Variants in MLLT3 observed in about 807,000 individuals in gnomAD.
The protein encoded by MLLT3 is MLLT3 super elongation complex subunit.
Under a neutral mutation model 53.2 loss-of-function variants are expected in MLLT3, and 4 were observed. The ratio of observed to expected loss-of-function variants is 0.08; its 90% CI spans 0.04 to 0.17. MLLT3 has a LOEUF of 0.17. Ranked by LOEUF, MLLT3 falls within the 10% of genes least tolerant of loss-of-function variation. The probability of loss-of-function intolerance (pLI) is 1.00; values close to 1 mark genes in which losing one functional copy is unlikely to be tolerated. For missense variants in MLLT3, 569 were observed against 684.0 expected, an observed-to-expected ratio of 0.83 and a Z score of 1.87; for synonymous variants, 283 against 230.6, an observed-to-expected ratio of 1.23 and a Z score of -2.06.
intron 2 of MLLT3, among the ~76,000 whole-genome samples, chr9:20,470,509 A>G (rs940016594): frequency 6.6e-6 from 1 of 152,076 alleles, no homozygotes; most frequent in South Asian, 2.1e-4. Context: ...AATCATGTGA[A>G]TTAGTATACC....
intron 4 of MLLT3, among the ~76,000 whole-genome samples, chr9:20,432,814 T>C (rs1823309333): frequency 6.6e-6 from 1 of 152,136 alleles, no homozygotes; most frequent in Non-Finnish European, 1.5e-5. Context: ...CTATTTCCCT[T>C]CACAGAGCTC....
At chr9:20,547,722 A>C (rs1372941196) in intron 2 of MLLT3, among the ~76,000 whole-genome samples, 1 of 152,010 alleles carries the variant, frequency 6.6e-6, no homozygotes, top group Non-Finnish European at 1.5e-5. Flanking sequence ...AGGTGGAAGC[A>C]GATAGATCAC....
chr9:20,553,343 T>C (rs921032801), intron 2 of MLLT3, among the ~76,000 whole-genome samples: 2 of 152,150 alleles, frequency 1.3e-5, no homozygotes, highest in African/African-American at 4.8e-5. Context: ...AAGGAGGTAA[T>C]AGTTGTTGAG....
At chr9:20,552,261 G>C (rs528546728) in intron 2 of MLLT3, among the ~76,000 whole-genome samples, 1 of 152,144 alleles carries the variant, frequency 6.6e-6, no homozygotes, top group African/African-American at 2.4e-5. Flanking sequence ...GGAAGCATTC[G>C]TAATCCTATT....
intron 5 of MLLT3, among the ~76,000 whole-genome samples, chr9:20,410,332 TA>T (rs1206804852): frequency 6.6e-6 from 1 of 152,204 alleles, no homozygotes; most frequent in Non-Finnish European, 1.5e-5. Context: ...TAGCAATAGC[TA>T]ACTTACATTT....
At chr9:20,471,313 G>T (rs535339710) in intron 2 of MLLT3, among the ~76,000 whole-genome samples, 1 of 152,024 alleles carries the variant, frequency 6.6e-6, no homozygotes, top group South Asian at 2.1e-4. Context: ...ACAGTAATGC[G>T]ATGTTGAGTG....
At chr9:20,416,846 C>T (rs1303950494) in intron 4 of MLLT3, among the ~76,000 whole-genome samples, 1 of 152,040 alleles carries the variant, frequency 6.6e-6, no homozygotes, top group Non-Finnish European at 1.5e-5. Flanking sequence ...GGAGAGAGAG[C>T]AGTTTTTAAG....
chr9:20,372,712 T>C (rs958576517), intron 5 of MLLT3, among the ~76,000 whole-genome samples: 2 of 151,850 alleles, frequency 1.3e-5, no homozygotes, highest in African/African-American at 4.8e-5. Context: ...CTGGCCTGCA[T>C]TGTCTTATTT....
chr9:20,464,695 G>T (rs1824192106), intron 2 of MLLT3, among the ~76,000 whole-genome samples: 1 of 151,914 alleles, frequency 6.6e-6, no homozygotes, highest in African/African-American at 2.4e-5. Context: ...GGCCTGGCAG[G>T]AAAAAATGAC....
intron 2 of MLLT3, among the ~76,000 whole-genome samples, chr9:20,598,572 C>G (rs1486204281): frequency 1.3e-5 from 2 of 152,220 alleles, no homozygotes; most frequent in Non-Finnish European, 2.9e-5. Flanking sequence ...GGTGAGGACA[C>G]TACAGCCTTC....
chr9:20,414,285 G>GCTGCTGCTGCTGCTA lies in MLLT3; in HGVS notation c.546_560dup (p.Ser186_Ser190dup), dbSNP rs763548380. 12 of 1,611,652 alleles carry GCTGCTGCTGCTGCTA rather than the reference G, an allele frequency of 7.4e-6. No homozygotes were observed. Among genetic ancestry groups the GCTGCTGCTGCTGCTA allele is most frequent in the Non-Finnish European group, 3.4e-6 (4 of 1,179,122 alleles). ...GCTTTGAAAAACTGGTACTACTGCT[G>GCTGCTGCTGCTGCTA]CTGCTGCTGCTGCTACTGCTGCTGC... On this transcript the variant is annotated inframe_insertion, in exon 5 of 11. Coordinates refer to ENST00000380338, the MANE Select transcript of MLLT3 (RefSeq NM_004529.4).
chr9:20,563,988 T>C (rs925232612), intron 2 of MLLT3, among the ~76,000 whole-genome samples: 1 of 152,160 alleles, frequency 6.6e-6, no homozygotes, highest in Non-Finnish European at 1.5e-5. Flanking sequence ...GTAAAATCCA[T>C]CTCCAGCACA....
intron 2 of MLLT3, among the ~76,000 whole-genome samples, chr9:20,564,813 C>G (rs1475405895): frequency 6.6e-6 from 1 of 152,102 alleles, no homozygotes; most frequent in Non-Finnish European, 1.5e-5. Flanking sequence ...GCATCACTGA[C>G]CAAGGTCAAA....
chr9:20,500,315 G>A (rs920700175), intron 2 of MLLT3, among the ~76,000 whole-genome samples: 4 of 152,156 alleles, frequency 2.6e-5, no homozygotes, highest in Non-Finnish European at 5.9e-5. Context: ...CTGCTTACAT[G>A]AAGGCTGCAG....
rs150977095 is a variant in MLLT3 at position 20,390,324 on chromosome 9, T to C, written c.1125+23397A>G. Among the ~76,000 whole-genome samples the C allele has an allele frequency of 8.5e-3, 1,294 of 152,176 alleles. 17 individuals are homozygous for C. The highest frequency in any genetic ancestry group is 0.029 in the African/African-American group (1,189 of 41,500). On this transcript the variant is annotated intron_variant, in intron 5 of 10. Transcript: ENST00000380338. ...AAGCAAAACTTAAAACTTTGTTACA[T>C]AGAATGAGATCTACTACCGAAAAAG...
At chr9:20,517,781 G>A (rs995822785) in intron 2 of MLLT3, among the ~76,000 whole-genome samples, 2 of 151,840 alleles carry the variant, frequency 1.3e-5, no homozygotes, top group Non-Finnish European at 2.9e-5. Context: ...AGGTTGCAGT[G>A]AAGCCAAGAT....
intron 5 of MLLT3, among the ~76,000 whole-genome samples, chr9:20,366,506 C>G (rs932713569): frequency 3.3e-5 from 5 of 152,120 alleles, no homozygotes; most frequent in African/African-American, 7.2e-5. Context: ...AATAAACATA[C>G]GTGTGCATGT....
chr9:20,381,853 A>G (rs1226198206), intron 5 of MLLT3, among the ~76,000 whole-genome samples: 1 of 151,908 alleles, frequency 6.6e-6, no homozygotes. Context: ...TGTAAGAACA[A>G]TATTATTCTG....
intron 2 of MLLT3, among the ~76,000 whole-genome samples, chr9:20,489,905 G>C (rs181881004): frequency 3.3e-5 from 5 of 152,092 alleles, no homozygotes; most frequent in Non-Finnish European, 7.4e-5. Context: ...CTTTTTCTGA[G>C]TCAGGGAAAG....
Sources: gnomAD v4.1 joint callset for allele counts (sites outside exome capture counted in the v4.1 genomes callset) on GRCh38, gnomAD v4.1.1 for gene constraint, MANE v1.5 for transcripts, NCBI Gene and HGNC (gene_info 2026-07-23, HGNC 2026-07-21) for gene names.